PRKCZ: variants seen among roughly 807,000 people sequenced by gnomAD.
PRKCZ encodes the protein protein kinase C zeta type.
Under a neutral mutation model 79.5 loss-of-function variants are expected in PRKCZ, and 33 were observed. The observed-to-expected ratio is 0.41, with a 90% CI of 0.31 to 0.55. The LOEUF (loss-of-function observed/expected upper bound fraction) is 0.55, where lower values mean the gene tolerates loss of function less well. Among genes scored for constraint, PRKCZ ranks in the 20% least tolerant of loss-of-function variants. The pLI is 0.19. For synonymous variants in PRKCZ, 342 were observed against 320.9 expected, an observed-to-expected ratio of 1.07 and a Z score of -0.70; for missense variants, 578 against 813.5, an observed-to-expected ratio of 0.71 and a Z score of 3.52.
chr1:2,091,554 C>A (rs1348213509), intron 4 of PRKCZ, among the ~76,000 whole-genome samples: 1 of 152,104 alleles, frequency 6.6e-6, no homozygotes, highest in East Asian at 1.9e-4. Context: ...TCCTGGCCGT[C>A]CTCTTGGGGC....
At chr1:2,099,044 C>T (rs974877083) in intron 4 of PRKCZ, among the ~76,000 whole-genome samples, 4 of 151,340 alleles carry the variant, frequency 2.6e-5, no homozygotes, top group South Asian at 4.2e-4. Context: ...CTGTGACTTC[C>T]GTCGTTGTCT....
intron 4 of PRKCZ, among the ~76,000 whole-genome samples, chr1:2,092,238 C>T (rs541363771): frequency 1.3e-5 from 2 of 152,246 alleles, no homozygotes; most frequent in East Asian, 3.9e-4. Flanking sequence ...GAGGCGAATC[C>T]TTGATGAGAG....
At chr1:2,088,950 T>C (rs1665008052) in intron 4 of PRKCZ, among the ~76,000 whole-genome samples, 3 of 152,284 alleles carry the variant, frequency 2.0e-5, no homozygotes, top group Non-Finnish European at 4.4e-5. Flanking sequence ...TATTTTGTTT[T>C]GTTTTCCGAG....
chr1:2,050,548 CG>C lies in PRKCZ; in HGVS notation c.-82del. 2 of 894,858 alleles carry C rather than the reference CG, an allele frequency of 2.2e-6. No individual in the cohort carries two copies. Among genetic ancestry groups the C allele is most frequent in the African/African-American group, 3.5e-5 (2 of 57,400 alleles). 55.4% of individuals were successfully genotyped at this position (894,858 alleles called of 1,614,324 possible). A position where few individuals can be genotyped will look rare whatever the true frequency, so the allele number is the denominator to read the frequency against. ...CTGAGCGCTGCCTTCCGCGTTCCGC[CG>C]CGGCCCCACCTGGAGCCCCCGCCCC... is the stretch of plus-strand genomic sequence containing the variant. On this transcript the variant is annotated 5_prime_UTR_variant, in exon 1 of 18. Coordinates refer to ENST00000378567, the MANE Select transcript of PRKCZ (RefSeq NM_002744.6).
At chr1:2,065,489 TA>T (rs1387729154) in intron 4 of PRKCZ, among the ~76,000 whole-genome samples, 4 of 152,050 alleles carry the variant, frequency 2.6e-5, no homozygotes, top group Admixed American at 2.0e-4. Context: ...TCGTCCTGGT[TA>T]ACACAGTGAA....
chr1:2,096,611 G>A (rs3107133), intron 4 of PRKCZ, among the ~76,000 whole-genome samples: 5,628 of 152,274 alleles, frequency 0.037, 345 homozygotes, highest in African/African-American at 0.12. Context: ...TCCCCGTGGC[G>A]TGGCATGGAC....
intron 4 of PRKCZ, among the ~76,000 whole-genome samples, chr1:2,069,515 G>T (rs1186126626): frequency 2.0e-5 from 3 of 152,212 alleles, no homozygotes; most frequent in African/African-American, 7.2e-5. Flanking sequence ...ATAAAATCGT[G>T]TGTAAAAGTG....
At chr1:2,088,631 G>T (rs1664946907) in intron 4 of PRKCZ, among the ~76,000 whole-genome samples, 1 of 152,206 alleles carries the variant, frequency 6.6e-6, no homozygotes, top group Non-Finnish European at 1.5e-5. Flanking sequence ...CCATCATCCT[G>T]TGTGGAATGT....
At chr1:2,077,301 G>A (rs181622902) in intron 4 of PRKCZ, among the ~76,000 whole-genome samples, 1 of 152,320 alleles carries the variant, frequency 6.6e-6, no homozygotes, top group African/African-American at 2.4e-5. Flanking sequence ...CTTTTTGAAC[G>A]TCTCTTCTGT....
At chr1:2,176,234 A>C (rs1208503817) in intron 16 of PRKCZ, among the ~76,000 whole-genome samples, 6 of 152,116 alleles carry the variant, frequency 3.9e-5, no homozygotes, top group Non-Finnish European at 8.8e-5. Context: ...GGGCCACGTG[A>C]TCAGGAGGGG....
intron 4 of PRKCZ, among the ~76,000 whole-genome samples, chr1:2,134,327 C>T (rs1357899793): frequency 6.6e-6 from 1 of 152,210 alleles, no homozygotes; most frequent in East Asian, 1.9e-4. Context: ...CATTCCGTTA[C>T]AATTTCCACT....
intron 4 of PRKCZ, among the ~76,000 whole-genome samples, chr1:2,078,351 A>T (rs998622953): frequency 6.6e-6 from 1 of 152,182 alleles, no homozygotes; most frequent in Non-Finnish European, 1.5e-5. Flanking sequence ...CTAGGTATGA[A>T]ATTCTGTATT....
intron 4 of PRKCZ, among the ~76,000 whole-genome samples, chr1:2,091,983 C>T (rs1024467434): frequency 3.3e-5 from 5 of 152,184 alleles, no homozygotes; most frequent in African/African-American, 7.2e-5. Context: ...GAATGGAAAG[C>T]GTCGTGCCAG....
intron 10 of PRKCZ, among the ~76,000 whole-genome samples, chr1:2,160,734 G>T (rs530437910): frequency 2.0e-5 from 3 of 152,160 alleles, no homozygotes; most frequent in Non-Finnish European, 2.9e-5. Flanking sequence ...GTCCCCATGT[G>T]GGGGAGTCAC....
intron 5 of PRKCZ, among the ~76,000 whole-genome samples, chr1:2,137,345 G>A (rs554085252): frequency 1.1e-4 from 16 of 152,274 alleles, no homozygotes; most frequent in Admixed American, 4.6e-4. Flanking sequence ...GGTGGGTCTT[G>A]CCCTCCCAGT....
At chr1:2,077,727 A>T (rs1456052601) in intron 4 of PRKCZ, among the ~76,000 whole-genome samples, 1 of 152,146 alleles carries the variant, frequency 6.6e-6, no homozygotes, top group African/African-American at 2.4e-5. Context: ...TTTCTTTTTG[A>T]CATTTATTTC....
At chr1:2,065,231 A>G (rs903466286) in intron 4 of PRKCZ, among the ~76,000 whole-genome samples, 2 of 152,214 alleles carry the variant, frequency 1.3e-5, no homozygotes, top group African/African-American at 2.4e-5. Context: ...AGTTCTAACA[A>G]CTTTCTGTGG....
At chr1:2,116,290 T>C (rs1159945694) in intron 4 of PRKCZ, 1 of 152,282 alleles carries the variant, frequency 6.6e-6, no homozygotes, top group African/African-American at 2.4e-5. Flanking sequence ...GGCACTAGGC[T>C]GTGGCCTCGC....
intron 7 of PRKCZ, among the ~76,000 whole-genome samples, chr1:2,148,276 C>CT (rs1478504459): frequency 6.6e-6 from 1 of 152,120 alleles, no homozygotes; most frequent in Non-Finnish European, 1.5e-5. Context: ...ATCTATCCAT[C>CT]TATTGTCCAC....
Sources: allele counts gnomAD v4.1 joint callset (sites outside exome capture counted in the v4.1 genomes callset), GRCh38; gene constraint gnomAD v4.1.1; transcripts MANE v1.5; gene names NCBI Gene and HGNC (gene_info 2026-07-23, HGNC 2026-07-21).